VIRMA: variants seen among roughly 807,000 people sequenced by gnomAD.
The protein encoded by VIRMA is vir like m6A methyltransferase associated, also known as protein virilizer homolog.
In VIRMA, 65 loss-of-function variants were observed where a neutral mutation model predicts 182.4. The ratio of observed to expected loss-of-function variants is 0.36; its 90% CI spans 0.29 to 0.44. The LOEUF is 0.44. Among genes scored for constraint, VIRMA ranks in the 20% least tolerant of loss-of-function variants. The probability of loss-of-function intolerance (pLI) is 1.00; values close to 1 mark genes in which losing one functional copy is unlikely to be tolerated. For synonymous variants in VIRMA, 709 were observed against 743.1 expected, an observed-to-expected ratio of 0.95 and a Z score of 0.75; for missense variants, 1,752 against 2,158.1, an observed-to-expected ratio of 0.81 and a Z score of 3.73.
intron 14 of VIRMA, 93 bp downstream of exon 14, chr8:94,510,324 G>T: frequency 2.3e-6 from 2 of 880,392 alleles, no homozygotes; most frequent in Non-Finnish European, 3.6e-6. Context: ...TGTTATCTGG[G>T]CATTCCAAAC....
rs150793271 is a variant in VIRMA, at chr8:94,526,912, C to G, written c.1332G>C (p.Ala444=). The change falls in exon 8 of 24, where the codon GCG becomes GCC. Residue 444 remains alanine (A), a synonymous_variant. Transcript: ENST00000297591. ...WTMQALNLQV[A]LRQPIALNVR... ...CATTTAAGGCGATAGGTTGGCGAAG[C>G]GCTACTTGTAAATTTAAAGCTTGCA... 9.0e-5 allele frequency: 146 copies of G among 1,614,062 alleles called. No individual in the cohort carries two copies. The highest frequency in any genetic ancestry group is 1.2e-4 in the Non-Finnish European group (142 of 1,180,032).
intron 11 of VIRMA, among the ~76,000 whole-genome samples, chr8:94,513,338 A>C (rs553298720): frequency 2.0e-5 from 3 of 150,218 alleles, no homozygotes; most frequent in African/African-American, 7.6e-5. Flanking sequence ...CTCCATCTCA[A>C]AACAAAACAA....
Position 94,517,873 on chromosome 8 carries a change from A to G in VIRMA, c.2583T>C (p.Ser861=). The G allele has an allele frequency of 6.2e-7, 1 of 1,612,398 alleles. No homozygotes were observed. The highest frequency in any genetic ancestry group is 2.2e-5 in the East Asian group (1 of 44,760). ...GTTCTAGCATTTGAACATCACTGGA[A>G]GACTGAACCACCACCAAAATAAGTA... ...ACILILVVVQ[S]SSDVQMLEQH... The change falls in exon 10 of 24, where the codon TCT becomes TCC. Residue 861 remains serine (S), a synonymous_variant. Transcript: ENST00000297591.
At chr8:94,491,494 A>G in intron 22 of VIRMA, 84 bp downstream of exon 22, 1 of 1,265,666 alleles carries the variant, frequency 7.9e-7, no homozygotes, top group Non-Finnish European at 1.1e-6. Flanking sequence ...GTTTATCTGA[A>G]TCTCTTCCAT....
At chr8:94,492,572 G>A (rs1049155552) in intron 21 of VIRMA, 80 bp downstream of exon 21, 19 of 1,292,248 alleles carry the variant, frequency 1.5e-5, no homozygotes, top group East Asian at 9.5e-5. Flanking sequence ...GCGCTCGGCC[G>A]CATGTGTCTA....
chr8:94,513,922 A>G (rs2130314309), intron 11 of VIRMA, among the ~76,000 whole-genome samples: 1 of 152,378 alleles, frequency 6.6e-6, no homozygotes, highest in Middle Eastern at 3.4e-3. Flanking sequence ...GTTGGAGTAC[A>G]AGAAGACAAA....
chr8:94,509,925 T>C lies in VIRMA; in HGVS notation c.3642A>G (p.Lys1214=), dbSNP rs770498767. The change falls in exon 15 of 24, where the codon AAA becomes AAG. Residue 1214 remains lysine, a synonymous_variant. Transcript: ENST00000297591. ...TGGTTTGGCTAGTATACTGTTTTTCTTTATCTTCTGAAGTGCTGAAATAAA... is the reference window on the plus strand; with the variant it reads ...TGGTTTGGCTAGTATACTGTTTTTCCTTATCTTCTGAAGTGCTGAAATAAA... ...VEDLQSTSED[K]EKQYTSQTTR... The C allele has an allele frequency of 1.1e-5, 17 of 1,608,904 alleles. No homozygotes were observed. The South Asian group carries it at 1.8e-4, about 17-fold the overall frequency.
At chr8:94,525,080 ACT>A (rs1427194844) in intron 8 of VIRMA, among the ~76,000 whole-genome samples, 4 of 152,174 alleles carry the variant, frequency 2.6e-5, no homozygotes, top group Non-Finnish European at 4.4e-5. Context: ...TCAAGTGTTC[ACT>A]TTGGGCCTCT....
rs150635455 is a variant in VIRMA, at chr8:94,514,919, G to A, written c.2701C>T (p.Leu901Phe). Reference protein sequence around the residue: ...LGKWLEPLKNLRFEINCIPNL... With the variant: ...LGKWLEPLKNFRFEINCIPNL... ...GGGATGCAGTTAATTTCAAATCTAAGGTTTTTCAGAGGTTCAAGCCACTTG... is the reference window on the plus strand; with the variant it reads ...GGGATGCAGTTAATTTCAAATCTAAAGTTTTTCAGAGGTTCAAGCCACTTG... Residue 901 changes from leucine to phenylalanine, a missense_variant, in exon 11 of 24, where the codon CTT becomes TTT. This residue lies in a region of VIRMA where 777 missense variants were observed against 920.6 expected (regional missense o/e 0.84). Transcript: ENST00000297591. The A allele has an allele frequency of 9.4e-6, 15 of 1,587,582 alleles. No individual in the cohort carries two copies. Among genetic ancestry groups the A allele is most frequent in the African/African-American group, 9.4e-5 (7 of 74,540 alleles).
Position 94,496,348 on chromosome 8 carries a change from C to A in VIRMA, c.4363G>T (p.Glu1455Ter), listed in dbSNP as rs1217552469. 1 of 1,611,738 alleles carries A rather than the reference C, an allele frequency of 6.2e-7. No homozygotes were observed. The highest frequency in any genetic ancestry group is 1.7e-5 in the Admixed American group (1 of 59,556). ...TTTACCAAAACAAGCTTCTCTAGTT[C>A]AAGGAACAAATTTTCTGGACTTTCT... ...KEESPENLFLELEKLVLEHSK... is the reference protein window; with the variant it reads ...KEESPENLFL The change falls in exon 18 of 24, where the codon GAA becomes TAA. Residue 1455 changes from glutamate to a stop codon, truncating the protein, a stop_gained. Transcript: ENST00000297591. LOFTEE classifies it high-confidence loss of function.
At chr8:94,523,674 G>A (rs547977408) in intron 8 of VIRMA, among the ~76,000 whole-genome samples, 1 of 151,992 alleles carries the variant, frequency 6.6e-6, no homozygotes, top group African/African-American at 2.4e-5. Context: ...TGTCGCCCAG[G>A]CAGGAGTGCA....
intron 8 of VIRMA, among the ~76,000 whole-genome samples, chr8:94,522,449 T>C (rs1304297945): frequency 6.6e-6 from 1 of 152,198 alleles, no homozygotes; most frequent in East Asian, 1.9e-4. Flanking sequence ...TTGGTGCTCT[T>C]GGGGAACCTG....
chr8:94,511,095 T>C, intron 13 of VIRMA, 90 bp downstream of exon 13: 2 of 1,506,538 alleles, frequency 1.3e-6, no homozygotes, highest in Non-Finnish European at 1.8e-6. Flanking sequence ...GGAAGGGAGA[T>C]GAGGGTTTTT....
intron 5 of VIRMA, 121 bp from the exon 6 acceptor site, chr8:94,531,206 A>G: frequency 8.9e-7 from 1 of 1,126,322 alleles, no homozygotes; most frequent in South Asian, 2.2e-5. Flanking sequence ...AGAGATCTAA[A>G]ATATGGTATT....
intron 2 of VIRMA, among the ~76,000 whole-genome samples, chr8:94,542,328 T>C (rs1299022213): frequency 6.6e-6 from 1 of 152,178 alleles, no homozygotes; most frequent in East Asian, 1.9e-4. Context: ...AACAAGCCCA[T>C]GGAGAGGATC....
chr8:94,492,505 G>GTC (rs1430788869), intron 21 of VIRMA, 147 bp downstream of exon 21: 1 of 531,396 alleles, frequency 1.9e-6, no homozygotes, highest in African/African-American at 2.0e-5. Context: ...AGCCAGAATG[G>GTC]TCTCGATCTC....
intron 7 of VIRMA, among the ~76,000 whole-genome samples, chr8:94,528,479 T>C (rs1312861520): frequency 1.3e-5 from 2 of 152,224 alleles, no homozygotes; most frequent in East Asian, 3.8e-4. Flanking sequence ...TCTGCATAAA[T>C]GCTTTAACAT....
intron 11 of VIRMA, among the ~76,000 whole-genome samples, chr8:94,513,888 G>C (rs1194035711): frequency 6.6e-6 from 1 of 152,150 alleles, no homozygotes; most frequent in African/African-American, 2.4e-5. Context: ...TGGCACCATA[G>C]GAAGTAAAAG....
At chr8:94,524,352 T>A (rs1009858797) in intron 8 of VIRMA, among the ~76,000 whole-genome samples, 1 of 151,662 alleles carries the variant, frequency 6.6e-6, no homozygotes, top group Admixed American at 6.6e-5. Context: ...TAGCCCAGGC[T>A]GGAGTGCAGT....
Sources: gnomAD v4.1 joint callset for allele counts (sites outside exome capture counted in the v4.1 genomes callset) on GRCh38, gnomAD v4.1.1 for gene constraint, gnomAD v4.1.1 regional missense constraint, MANE v1.5 for transcripts, NCBI Gene and HGNC (gene_info 2026-07-23, HGNC 2026-07-21) for gene names.